Variants in ZAN observed in about 807,000 individuals in gnomAD.
ZAN encodes zonadhesin (gene/pseudogene).
ZAN carries 260 observed loss-of-function variants against 286.2 expected under a neutral mutation model. The ratio of observed to expected loss-of-function variants is 0.91; its 90% CI spans 0.82 to 1.01. The LOEUF (loss-of-function observed/expected upper bound fraction) is 1.01. Ranked by LOEUF, ZAN falls within the 50% of genes least tolerant of loss-of-function variation. The pLI, the probability that ZAN is intolerant of heterozygous loss-of-function variation, is 0.00. For synonymous variants in ZAN, 1,368 were observed against 1,417.5 expected, an observed-to-expected ratio of 0.97 and a Z score of 0.79; for missense variants, 3,410 against 3,639.2, an observed-to-expected ratio of 0.94 and a Z score of 1.62.
In ZAN at chr7:100,773,440, T is replaced by C. The variant is rs775553911; in HGVS notation, c.5581T>C (p.Cys1861Arg). ...QKGHILSGTS[C>R]VPLGQCGCTD... ...AGGCCACATCTTGAGTGGAACCTCC[T>C]GCGTGCCCCTTGGCCAGTGTGGCTG... The change falls in exon 30 of 48, where the codon TGC becomes CGC. Residue 1861 changes from cysteine (C) to arginine (R), a missense_variant. This residue lies in a region of ZAN where 1,289 missense variants were observed against 1,314.3 expected (regional missense o/e 0.98). Coordinates refer to ENST00000613979, the MANE Select transcript of ZAN (RefSeq NM_003386.3). 119 of 1,613,872 alleles carry C rather than the reference T, an allele frequency of 7.4e-5. No individual in the cohort carries two copies. Among genetic ancestry groups the C allele is most frequent in the Non-Finnish European group, 1.7e-6 (2 of 1,179,894 alleles).
intron 9 of ZAN, 45 bp from the exon 10 acceptor site, chr7:100,748,092 T>C: frequency 6.6e-7 from 1 of 1,524,504 alleles, no homozygotes; most frequent in Non-Finnish European, 9.1e-7. Context: ...GGCTTGGGGG[T>C]GTGGGCTGTG....
At chr7:100,784,320 G>T (rs942585354) in intron 35 of ZAN, among the ~76,000 whole-genome samples, 4 of 151,570 alleles carry the variant, frequency 2.6e-5, no homozygotes, top group Admixed American at 2.6e-4. Context: ...AGTAGAGATG[G>T]GGTTTCACCA....
chr7:100,750,578 T>G, intron 11 of ZAN, 47 bp from the exon 12 acceptor site: 1 of 1,596,802 alleles, frequency 6.3e-7, no homozygotes, highest in South Asian at 1.1e-5. Context: ...GCAGTTGGCA[T>G]GTCCTGTGCA....
chr7:100,778,362 G>A (rs943916512), intron 34 of ZAN, among the ~76,000 whole-genome samples: 6 of 151,484 alleles, frequency 4.0e-5, no homozygotes, highest in Admixed American at 1.3e-4. Flanking sequence ...CCAACACTTC[G>A]TGAGGCCAAT....
intron 34 of ZAN, among the ~76,000 whole-genome samples, 192 bp downstream of exon 34, chr7:100,776,756 T>C (rs200650532): frequency 0.29 from 31,729 of 109,316 alleles, 5,719 homozygotes; most frequent in East Asian, 0.76. Flanking sequence ...GACGGAGTCT[T>C]GCTCTGTCGC....
chr7:100,790,248 A>G lies in ZAN; in HGVS notation c.7358-694A>G, dbSNP rs553494397. 5.3e-4 allele frequency among the ~76,000 whole-genome samples: 80 copies of G among 152,122 alleles called. No homozygotes were observed. The South Asian group carries it at 6.8e-3, about 13-fold the overall frequency. On this transcript the variant is annotated intron_variant, in intron 39 of 47. Transcript: ENST00000613979. ...CACTGTACTCCAGACTGGGCAACAG[A>G]GCAAGACCCTGCTTTAAAAAAAAGT...
intron 29 of ZAN, among the ~76,000 whole-genome samples, chr7:100,772,687 G>A (rs957529459): frequency 1.3e-5 from 2 of 151,878 alleles, no homozygotes; most frequent in Admixed American, 6.6e-5. Flanking sequence ...CAGGCGTGGT[G>A]GTGGGCGCCT....
In ZAN at chr7:100,767,936, G is replaced by A. The variant is rs774667288; in HGVS notation, c.4966G>A (p.Val1656Ile). ...VLLYTNFGLQVRYDGSHLVEV... is the reference protein window; with the variant it reads ...VLLYTNFGLQIRYDGSHLVEV... ...CCTCTACACGAACTTTGGGCTCCAAGTTCGCTACGACGGGAGCCACTTGGT... is the reference window on the plus strand; with the variant it reads ...CCTCTACACGAACTTTGGGCTCCAAATTCGCTACGACGGGAGCCACTTGGT... Residue 1656 changes from valine (V) to isoleucine (I), a missense_variant, in exon 26 of 48, where the codon GTT (valine) becomes ATT (isoleucine). Around this residue, in one of 7 missense-constraint regions of ZAN, gnomAD observed 1,042 missense variants for 1,058.0 expected, o/e 0.98. Coordinates refer to ENST00000613979, the MANE Select transcript of ZAN (RefSeq NM_003386.3). 6.2e-7 allele frequency: 1 copy of A among 1,613,988 alleles called. No homozygotes were observed. The highest frequency in any genetic ancestry group is 8.5e-7 in the Non-Finnish European group (1 of 1,179,884).
chr7:100,757,519 C>T (rs1363466965), intron 15 of ZAN, among the ~76,000 whole-genome samples: 2 of 151,794 alleles, frequency 1.3e-5, no homozygotes, highest in East Asian at 3.9e-4. Context: ...CTTTGGGAGG[C>T]CAAGGCGGGC....
chr7:100,764,976 C>A (rs1389761162), intron 22 of ZAN, among the ~76,000 whole-genome samples: 1 of 152,198 alleles, frequency 6.6e-6, no homozygotes, highest in Non-Finnish European at 1.5e-5. Flanking sequence ...CCTCCCAGCT[C>A]CTGGTGTGGC....
At chr7:100,762,147 T>C in intron 19 of ZAN, 68 bp from the exon 20 acceptor site, 1 of 1,596,794 alleles carries the variant, frequency 6.3e-7, no homozygotes, top group Non-Finnish European at 8.6e-7. Context: ...TTGCCTTCTC[T>C]GCCACTGCCC....
intron 28 of ZAN, among the ~76,000 whole-genome samples, chr7:100,770,647 C>T (rs997813825): frequency 4.6e-5 from 7 of 151,514 alleles, no homozygotes; most frequent in Non-Finnish European, 1.5e-5. Flanking sequence ...CACGCCTGGC[C>T]GTTTTTTCTT....
intron 36 of ZAN, 139 bp from the exon 37 acceptor site, chr7:100,785,858 C>T (rs926833007): frequency 3.6e-6 from 4 of 1,116,124 alleles, no homozygotes; most frequent in Non-Finnish European, 5.0e-6. Context: ...AGGGTTTCAC[C>T]ATGTTGGCTG....
In ZAN at chr7:100,790,844, C is replaced by T. The variant is rs564159705; in HGVS notation, c.7358-98C>T. The T allele has an allele frequency of 6.2e-5, 83 of 1,339,588 alleles. No homozygotes were observed. The Admixed American group carries it at 9.2e-4, about 15-fold the overall frequency. 83.0% of individuals were successfully genotyped at this position (1,339,588 alleles called of 1,614,324 possible). On this transcript the variant is annotated intron_variant, in intron 39 of 47. Coordinates refer to ENST00000613979, the MANE Select transcript of ZAN (RefSeq NM_003386.3). ...GTTGCAGTGAGCCAAGATCACACAA[C>T]TGCACTCCAGCCTGGGCAACAGAGC...
intron 7 of ZAN, among the ~76,000 whole-genome samples, chr7:100,744,288 G>C (rs1206370877): frequency 1.3e-5 from 2 of 150,868 alleles, no homozygotes; most frequent in African/African-American, 4.9e-5. Flanking sequence ...CTTTCCTGCT[G>C]CCTAAACTTT....
intron 2 of ZAN, 93 bp downstream of exon 2, chr7:100,734,314 C>G: frequency 1.1e-6 from 1 of 937,870 alleles, no homozygotes. Flanking sequence ...GGCGAGCAGG[C>G]TAACTACAAA....
chr7:100,736,120 C>T (rs1807275219), intron 3 of ZAN, among the ~76,000 whole-genome samples: 1 of 142,158 alleles, frequency 7.0e-6, no homozygotes, highest in Admixed American at 7.0e-5. Flanking sequence ...AGTTTGAGAG[C>T]AGCCTGGGCA....
chr7:100,735,790 AGT>A lies in ZAN; in HGVS notation c.106+20_106+21del. 1 of 1,478,440 alleles carries A rather than the reference AGT, an allele frequency of 6.8e-7. No individual in the cohort carries two copies. The highest frequency in any genetic ancestry group is 9.3e-7 in the Non-Finnish European group (1 of 1,080,018). 91.6% of individuals were successfully genotyped at this position (1,478,440 alleles called of 1,614,324 possible). A position where few individuals can be genotyped will look rare whatever the true frequency, so the allele number is the denominator to read the frequency against. On this transcript the variant is annotated intron_variant, in intron 3 of 47. Transcript: ENST00000613979. ...GGACAACTGTGAGTTGGAAACCAGG[AGT>A]GCTAAGATTTCTCCTCCCTCCTCCG...
chr7:100,767,902 C>T lies in ZAN; in HGVS notation c.4932C>T (p.Asn1644=), dbSNP rs756862894. ...GGGTGACCATAAGGCTCAGCAGCAA[C>T]CTCGTCCTCCTCTACACGAACTTTG... ...QGRVTIRLSS[N]LVLLYTNFGL... Residue 1644 remains asparagine, a synonymous_variant, in exon 26 of 48, where the codon AAC becomes AAT. Transcript: ENST00000613979. 1 of 1,613,962 alleles carries T rather than the reference C, an allele frequency of 6.2e-7. No homozygotes were observed. The highest frequency in any genetic ancestry group is 8.5e-7 in the Non-Finnish European group (1 of 1,179,880).
Sources: gnomAD v4.1 joint callset for allele counts (sites outside exome capture counted in the v4.1 genomes callset) on GRCh38, gnomAD v4.1.1 for gene constraint, gnomAD v4.1.1 regional missense constraint, MANE v1.5 for transcripts, NCBI Gene and HGNC (gene_info 2026-07-23, HGNC 2026-07-21) for gene names.